The following GREM2 variants were observed in gnomAD, a reference collection of about 807,000 sequenced individuals.
GREM2 encodes gremlin 2, DAN family BMP antagonist.
A neutral mutation model predicts 14.2 loss-of-function variants in GREM2; 11 were observed. The observed-to-expected ratio is 0.78, with a 90% CI of 0.49 to 1.28. GREM2 has a LOEUF of 1.28. GREM2 is among the 50% of genes most tolerant of loss of function. GREM2 has a pLI of 0.00. For synonymous variants in GREM2, 98 were observed against 97.6 expected (o/e 1.00, Z -0.02); for missense variants, 210 against 218.5 (o/e 0.96, Z 0.24).
chr1:240,606,677 C>CTTT (rs1261199860), intron 1 of GREM2, among the ~76,000 whole-genome samples: 1 of 131,352 alleles, frequency 7.6e-6, no homozygotes, highest in African/African-American at 2.8e-5. Flanking sequence ...TGAAACAGTT[C>CTTT]TTTTTTTTTT....
chr1:240,547,361 G>A (rs549293927), intron 1 of GREM2, among the ~76,000 whole-genome samples: 11 of 151,576 alleles, frequency 7.3e-5, no homozygotes, highest in Admixed American at 3.3e-4. Context: ...TTAGCCAGGC[G>A]TGGTGGCGGG....
intron 1 of GREM2, among the ~76,000 whole-genome samples, chr1:240,593,998 G>T (rs1014383501): frequency 6.6e-6 from 1 of 151,932 alleles, no homozygotes; most frequent in African/African-American, 2.4e-5. Context: ...CTGTTTCCTA[G>T]GCTAGAGTGC....
chr1:240,559,983 C>T (rs1242401566), intron 1 of GREM2, among the ~76,000 whole-genome samples: 4 of 152,058 alleles, frequency 2.6e-5, no homozygotes, highest in Non-Finnish European at 5.9e-5. Flanking sequence ...CAGTGAGTCA[C>T]AGGAAGTATC....
rs1448092674 is a variant in GREM2 at position 240,583,159 on chromosome 1, C to T, written c.-2+28725G>A. On this transcript the variant is annotated intron_variant, in intron 1 of 1. Coordinates refer to ENST00000318160, the MANE Select transcript of GREM2 (RefSeq NM_022469.4). ...ATCTGTAACTACATCGAATCATCAT[C>T]TGAAAGTACAGTTTCTGGAATGTGA... 2.0e-5 allele frequency among the ~76,000 whole-genome samples: 3 copies of T among 152,114 alleles called. No individual in the cohort carries two copies. In the East Asian group the frequency reaches 5.8e-4, roughly 29 times the overall value.
chr1:240,606,813 G>A (rs950443797), intron 1 of GREM2, among the ~76,000 whole-genome samples: 10 of 151,868 alleles, frequency 6.6e-5, no homozygotes, highest in Non-Finnish European at 1.3e-4. Context: ...CAAGTAGCTG[G>A]GATTACAGGC....
At chr1:240,537,004 G>A (rs1010879839) in intron 1 of GREM2, among the ~76,000 whole-genome samples, 1 of 152,184 alleles carries the variant, frequency 6.6e-6, no homozygotes, top group Non-Finnish European at 1.5e-5. Context: ...AAACTGGAAT[G>A]ACCAATTAAT....
At chr1:240,585,530 G>C (rs900319307) in intron 1 of GREM2, among the ~76,000 whole-genome samples, 3 of 152,040 alleles carry the variant, frequency 2.0e-5, no homozygotes, top group Admixed American at 6.5e-5. Context: ...TGGAGTTCGA[G>C]ACCAGCTTGG....
At chr1:240,597,180 G>C (rs1679834749) in intron 1 of GREM2, among the ~76,000 whole-genome samples, 1 of 152,214 alleles carries the variant, frequency 6.6e-6, no homozygotes, top group Admixed American at 6.5e-5. Context: ...TTAGAAGAAA[G>C]CCAGGAATGA....
At chr1:240,526,664 A>G (rs1287361395) in intron 1 of GREM2, among the ~76,000 whole-genome samples, 2 of 152,180 alleles carry the variant, frequency 1.3e-5, no homozygotes, top group East Asian at 3.9e-4. Context: ...GGCAATTCCA[A>G]ATCTCCGTGC....
At position 240,543,756 on chromosome 1, in the gene GREM2, T is replaced by G. The variant is rs1048876518; in HGVS notation, c.-1-50280A>C. Among the ~76,000 whole-genome samples, 13 of 152,230 alleles carry G rather than the reference T, an allele frequency of 8.5e-5. No individual in the cohort carries two copies. The highest frequency in any genetic ancestry group is 1.9e-4 in the Non-Finnish European group (13 of 68,042). The stretch of plus-strand genomic sequence containing the variant: ...CCTTGACATTGATCTTTTATAGAAA[T>G]TACTAAGTAATTATATTTCAAAAGG... On this transcript the variant is annotated intron_variant, in intron 1 of 1. Transcript: ENST00000318160. This position sits in a 1 kb window ranked among gnomAD's most constrained non-coding sequence, Gnocchi z 6.4.
Position 240,493,472 on chromosome 1 carries a change from A to T in GREM2, c.4T>A (p.Phe2Ile). 1 of 1,601,724 alleles carries T rather than the reference A, an allele frequency of 6.2e-7. No individual in the cohort carries two copies. Among genetic ancestry groups the T allele is most frequent in the African/African-American group, 1.3e-5 (1 of 74,744 alleles). Residue 2 changes from phenylalanine to isoleucine, a missense_variant, in exon 2 of 2, where the codon TTC becomes ATC. Physicochemically the swap from Phe to Ile is conservative, Grantham distance 21 (BLOSUM62 0). Transcript: ENST00000318160. M[F>I]WKLSLSLFLV... ...AACAAGGACAGGGAAAGCTTCCAGA[A>T]CATCCTGCAAACGAGAAAAGAGAGG...
intron 1 of GREM2, among the ~76,000 whole-genome samples, chr1:240,560,663 T>C (rs1410102889): frequency 6.6e-6 from 1 of 152,138 alleles, no homozygotes; most frequent in African/African-American, 2.4e-5. Context: ...TTATTGGGTT[T>C]ACTATTTTCT....
intron 1 of GREM2, among the ~76,000 whole-genome samples, chr1:240,602,646 G>A (rs564490255): frequency 2.2e-4 from 31 of 139,022 alleles, no homozygotes; most frequent in South Asian, 9.5e-4. Context: ...GTGAAACCGC[G>A]TCTCTAATAA....
chr1:240,511,024 G>A (rs910820243), intron 1 of GREM2, among the ~76,000 whole-genome samples: 4 of 152,130 alleles, frequency 2.6e-5, no homozygotes, highest in South Asian at 2.1e-4. Flanking sequence ...AATCTAACAC[G>A]TATATGTGTT....
At chr1:240,507,309 C>T (rs1289075783) in intron 1 of GREM2, among the ~76,000 whole-genome samples, 1 of 149,134 alleles carries the variant, frequency 6.7e-6, no homozygotes, top group African/African-American at 2.5e-5. Context: ...CCCTTCCTTC[C>T]TTCCTCCTTC....
At chr1:240,533,066 T>A (rs1247733462) in intron 1 of GREM2, among the ~76,000 whole-genome samples, 1 of 152,146 alleles carries the variant, frequency 6.6e-6, no homozygotes, top group Middle Eastern at 3.2e-3. Context: ...CACAAAGAAC[T>A]CAGCATTTTG....
chr1:240,569,361 A>T (rs1411371352), intron 1 of GREM2, among the ~76,000 whole-genome samples: 1 of 152,232 alleles, frequency 6.6e-6, no homozygotes, highest in Non-Finnish European at 1.5e-5. Context: ...TCTAAAATTC[A>T]TATGAAAATA....
rs1408227762 is a variant in GREM2 at position 240,491,596 on chromosome 1, T to C, written c.*1373A>G. On this transcript the variant is annotated 3_prime_UTR_variant, in exon 2 of 2. Coordinates refer to ENST00000318160, the MANE Select transcript of GREM2 (RefSeq NM_022469.4). The stretch of plus-strand genomic sequence containing the variant: ...TTCGTCCCTTTTGAAGTCTATTCTT[T>C]GAAAAGGAAGCATGTTTTGTGCAGA... The C allele has an allele frequency of 6.6e-6, 1 of 152,626 alleles. No individual in the cohort carries two copies. The highest frequency in any genetic ancestry group is 1.5e-5 in the Non-Finnish European group (1 of 68,026). The allele number at this position is 152,626 out of a possible 1,614,324, so 9.5% of individuals were successfully genotyped here. A position where few individuals can be genotyped will look rare whatever the true frequency, so the allele number is the denominator to read the frequency against.
chr1:240,493,545 T>A lies in GREM2; in HGVS notation c.-1-69A>T, dbSNP rs540532078. The A allele has an allele frequency of 1.5e-5, 22 of 1,436,028 alleles. No homozygotes were observed. In the African/African-American group the frequency reaches 2.0e-4, roughly 13 times the overall value. 89.0% of individuals were successfully genotyped at this position (1,436,028 alleles called of 1,614,324 possible). ...AGTACGGGATCAATCTTACTTATTT[T>A]TTTTTTTATTTTAGACATGGTCTGG... On this transcript the variant is annotated intron_variant, in intron 1 of 1. Coordinates refer to ENST00000318160, the MANE Select transcript of GREM2 (RefSeq NM_022469.4).
Sources: gnomAD v4.1 joint callset for allele counts (sites outside exome capture counted in the v4.1 genomes callset) on GRCh38, gnomAD v4.1.1 for gene constraint, Gnocchi (gnomAD v3.1) non-coding constraint, MANE v1.5 for transcripts, NCBI Gene and HGNC (gene_info 2026-07-23, HGNC 2026-07-21) for gene names.